The following STARD13 variants were observed in gnomAD, a reference collection of about 807,000 sequenced individuals.
The protein encoded by STARD13 is stAR-related lipid transfer protein 13.
In STARD13, 62 loss-of-function variants were observed where a neutral mutation model predicts 106.4. The observed-to-expected ratio is 0.58, with a 90% CI of 0.48 to 0.72. The LOEUF is 0.72. STARD13 is among the 30% of genes least tolerant of loss of function. STARD13 has a pLI of 0.00. For synonymous variants in STARD13, 565 were observed against 553.0 expected, an observed-to-expected ratio of 1.02 and a Z score of -0.31; for missense variants, 1,387 against 1,424.0, an observed-to-expected ratio of 0.97 and a Z score of 0.42.
intron 1 of STARD13, among the ~76,000 whole-genome samples, chr13:33,292,704 A>G (rs1485230994): frequency 6.6e-6 from 1 of 151,762 alleles, no homozygotes; most frequent in Non-Finnish European, 1.5e-5. Flanking sequence ...GGAAAGTAGC[A>G]AAATTTAGTT....
chr13:33,317,534 C>T (rs1893386067), intron 1 of STARD13, among the ~76,000 whole-genome samples: 1 of 152,146 alleles, frequency 6.6e-6, no homozygotes, highest in African/African-American at 2.4e-5. Context: ...TTGTCTGGAA[C>T]ACTCATCCCC....
At chr13:33,439,837 A>G in the STARD13 span, 1 of 425,200 alleles carries the variant, frequency 2.4e-6, no homozygotes, top group Admixed American at 3.8e-5. Flanking sequence ...TGGCCTCCAG[A>G]AATGAAAATA....
chr13:33,427,520 CT>C, the STARD13 span, among the ~76,000 whole-genome samples: 3 of 152,110 alleles, frequency 2.0e-5, no homozygotes, highest in Non-Finnish European at 4.4e-5. Flanking sequence ...AAGATATTCC[CT>C]TTTTTTCCAC....
At chr13:33,195,542 T>C (rs1038951205) in intron 1 of STARD13, among the ~76,000 whole-genome samples, 1 of 152,166 alleles carries the variant, frequency 6.6e-6, no homozygotes, top group Non-Finnish European at 1.5e-5. Context: ...AAGGATACCA[T>C]AGCAACCAGA....
At chr13:33,213,983 C>T (rs1434298745) in intron 1 of STARD13, among the ~76,000 whole-genome samples, 1 of 152,196 alleles carries the variant, frequency 6.6e-6, no homozygotes, top group Admixed American at 6.5e-5. Flanking sequence ...TGATCACTTT[C>T]TAAGCTGGAT....
chr13:33,492,918 A>G, the STARD13 span, among the ~76,000 whole-genome samples: 1 of 152,184 alleles, frequency 6.6e-6, no homozygotes, highest in Non-Finnish European at 1.5e-5. Context: ...TCTCTTTTTA[A>G]CGAGAAAGCT....
chr13:33,377,015 G>C, the STARD13 span, among the ~76,000 whole-genome samples: 2 of 152,194 alleles, frequency 1.3e-5, no homozygotes, highest in African/African-American at 4.8e-5. Flanking sequence ...ATGCTACATG[G>C]TATTCAGCAC....
intron 1 of STARD13, chr13:33,185,908 T>C: frequency 1.2e-6 from 2 of 1,614,238 alleles, no homozygotes; most frequent in Non-Finnish European, 1.7e-6. Context: ...TTCACTCTGC[T>C]TTTCTGTTTC....
the STARD13 span, among the ~76,000 whole-genome samples, chr13:33,539,940 C>T: frequency 2.6e-5 from 4 of 152,268 alleles, no homozygotes; most frequent in South Asian, 2.1e-4. Flanking sequence ...AAAAGTCATA[C>T]GCATAGTATG....
intron 1 of STARD13, among the ~76,000 whole-genome samples, chr13:33,338,550 T>C (rs1290993599): frequency 2.6e-5 from 4 of 152,162 alleles, no homozygotes; most frequent in African/African-American, 4.8e-5. Flanking sequence ...CTGCCAGCCA[T>C]GCTAACAATA....
the STARD13 span, among the ~76,000 whole-genome samples, chr13:33,644,265 T>A: frequency 6.6e-6 from 1 of 152,312 alleles, no homozygotes; most frequent in African/African-American, 2.4e-5. Context: ...AACACTAACA[T>A]CTTTCTAGCC....
chr13:33,383,134 G>C, the STARD13 span, among the ~76,000 whole-genome samples: 1 of 152,182 alleles, frequency 6.6e-6, no homozygotes, highest in Admixed American at 6.5e-5. Context: ...GACATTTCAT[G>C]TTTCTCCCAC....
At chr13:33,490,093 C>A in the STARD13 span, among the ~76,000 whole-genome samples, 6 of 152,020 alleles carry the variant, frequency 3.9e-5, no homozygotes, top group Non-Finnish European at 7.4e-5. Context: ...AGAATTTTAT[C>A]TGATACAATT....
At chr13:33,372,926 T>C in the STARD13 span, among the ~76,000 whole-genome samples, 1 of 152,130 alleles carries the variant, frequency 6.6e-6, no homozygotes, top group Non-Finnish European at 1.5e-5. Flanking sequence ...CAATGATGAA[T>C]TTGATTACAT....
chr13:33,252,430 G>A (rs374159819), intron 1 of STARD13, among the ~76,000 whole-genome samples: 22 of 152,280 alleles, frequency 1.4e-4, no homozygotes, highest in Admixed American at 6.5e-4. Flanking sequence ...AGTGAGTGAC[G>A]GAGAAGATTT....
chr13:33,138,844 T>TA lies in STARD13; in HGVS notation c.387+3465dup, dbSNP rs759956438. 208 of 478,720 alleles carry TA rather than the reference T, an allele frequency of 4.3e-4. 4 individuals carry two copies. Among genetic ancestry groups the TA allele is most frequent in the South Asian group, 3.1e-3 (203 of 66,200 alleles). 29.7% of individuals were successfully genotyped at this position (478,720 alleles called of 1,614,324 possible). ...GGCAGGGAAGGTCATCTCGAATCCT[T>TA]AAAGGGTCCCTTTTCTCTTCTGCAA... On this transcript the variant is annotated intron_variant, in intron 4 of 13. Transcript: ENST00000336934.
At chr13:33,650,164 A>ATTTT in the STARD13 span, among the ~76,000 whole-genome samples, 24 of 48,374 alleles carry the variant, frequency 5.0e-4, 6 homozygotes, top group Admixed American at 1.5e-3. Flanking sequence ...CGTGACTCCA[A>ATTTT]TTTTTTTTTT....
At position 33,127,966 on chromosome 13, in the gene STARD13, A is replaced by T. The variant is rs938122095; in HGVS notation, c.1749-420T>A. 2.2e-4 allele frequency among the ~76,000 whole-genome samples: 33 copies of T among 151,632 alleles called. 1 individual carries two copies. Among genetic ancestry groups the T allele is most frequent in the Admixed American group, 1.3e-3 (20 of 15,192 alleles). ...ACGGAGACAGGGAGATATAGACAGA[A>T]GCAGAGAGAGCAGAGAGATAGAAAA... On this transcript the variant is annotated intron_variant, in intron 5 of 13. Transcript: ENST00000336934.
chr13:33,321,343 TA>T (rs1207743474), intron 1 of STARD13, among the ~76,000 whole-genome samples: 2 of 151,996 alleles, frequency 1.3e-5, no homozygotes, highest in African/African-American at 4.8e-5. Context: ...CCGTCTCTAC[TA>T]AAAATACAAA....
Sources: gnomAD v4.1 joint callset for allele counts (sites outside exome capture counted in the v4.1 genomes callset) on GRCh38, gnomAD v4.1.1 for gene constraint, MANE v1.5 for transcripts, NCBI Gene and HGNC (gene_info 2026-07-23, HGNC 2026-07-21) for gene names.